LYZL2: variants seen among roughly 807,000 people sequenced by gnomAD.
LYZL2 encodes the protein lysozyme like 2, also known as lysozyme-like protein 2.
Under a neutral mutation model 17.1 loss-of-function variants are expected in LYZL2, and 13 were observed. That is an observed-to-expected ratio of 0.76 (90% CI 0.49 to 1.21). The LOEUF is 1.21. LYZL2 is among the 50% of genes most tolerant of loss of function. The pLI is 0.00. For synonymous variants in LYZL2, 63 were observed against 74.4 expected, an observed-to-expected ratio of 0.85 and a Z score of 0.79; for missense variants, 166 against 189.2, an observed-to-expected ratio of 0.88 and a Z score of 0.72.
intron 3 of LYZL2, among the ~76,000 whole-genome samples, chr10:30,623,236 TAAG>T (rs1373066989): frequency 6.6e-6 from 1 of 152,080 alleles, no homozygotes; most frequent in African/African-American, 2.4e-5. Flanking sequence ...GTAGAACAAG[TAAG>T]AAAATTAGAA....
intron 3 of LYZL2, among the ~76,000 whole-genome samples, chr10:30,624,576 A>C (rs112707512): frequency 6.6e-6 from 1 of 152,250 alleles, no homozygotes; most frequent in African/African-American, 2.4e-5. Context: ...CCCAGTTTGC[A>C]TTTGTTCTGT....
At chr10:30,614,582 C>A (rs2132936517) in intron 3 of LYZL2, among the ~76,000 whole-genome samples, 1 of 152,314 alleles carries the variant, frequency 6.6e-6, no homozygotes. Context: ...CCACAACCAC[C>A]AATCAAGGAC....
downstream of LYZL2, chr10:30,611,711 A>G (rs1838445904): frequency 2.3e-6 from 1 of 434,878 alleles, no homozygotes; most frequent in Non-Finnish European, 3.7e-6. Flanking sequence ...AAAAAGAAAG[A>G]AAGAAAGAAA....
Position 30,617,548 on chromosome 10 carries a change from G to A in LYZL2, c.299-4648C>T, listed in dbSNP as rs146888510. 2.7e-3 allele frequency among the ~76,000 whole-genome samples: 411 copies of A among 151,738 alleles called. 15 individuals are homozygous for A. In the East Asian group the frequency reaches 0.063, roughly 23 times the overall value. Reference sequence around the variant, plus strand: ...AAGTTAGCTGGCTGTGGTGGCACACGCCTGTAATCCCAGCTACTCCAGAGG... The same window carrying A: ...AAGTTAGCTGGCTGTGGTGGCACACACCTGTAATCCCAGCTACTCCAGAGG... On this transcript the variant is annotated intron_variant, in intron 3 of 4. Coordinates refer to ENST00000647634, the MANE Select transcript of LYZL2 (RefSeq NM_183058.3).
At chr10:30,624,034 C>T (rs10826830) in intron 3 of LYZL2, among the ~76,000 whole-genome samples, 15,404 of 152,200 alleles carry the variant, frequency 0.1, 1,102 homozygotes, top group Non-Finnish European at 0.14. Flanking sequence ...TCCCTTGTTT[C>T]CCGAACTATG....
chr10:30,621,188 T>C (rs1039988855), intron 3 of LYZL2, among the ~76,000 whole-genome samples: 1 of 151,780 alleles, frequency 6.6e-6, no homozygotes, highest in South Asian at 2.1e-4. Context: ...TAAAAACAAC[T>C]AGAGAAAAAA....
rs1254048394 is a variant in LYZL2 at position 30,613,251 on chromosome 10, C to T, written c.299-351G>A. The stretch of plus-strand genomic sequence containing the variant: ...TGGTGGCTGACCTGCAATCCCAGTA[C>T]TTTGGGAGGCCAAGGTAGGAGAATC... On this transcript the variant is annotated intron_variant, in intron 3 of 4. Transcript: ENST00000647634. Among the ~76,000 whole-genome samples the T allele has an allele frequency of 3.9e-5, 6 of 152,138 alleles. No individual in the cohort carries two copies. The East Asian group carries it at 7.7e-4, about 20-fold the overall frequency.
downstream of LYZL2, among the ~76,000 whole-genome samples, chr10:30,607,704 A>G (rs530958351): frequency 7.0e-6 from 1 of 143,218 alleles, no homozygotes; most frequent in South Asian, 2.2e-4. Context: ...CAAAGCTTCT[A>G]CTACACCCAG....
chr10:30,624,714 G>T (rs1000171916), intron 3 of LYZL2, among the ~76,000 whole-genome samples: 1 of 152,212 alleles, frequency 6.6e-6, no homozygotes, highest in African/African-American at 2.4e-5. Flanking sequence ...TGGAGACAGA[G>T]TCTGGCTGTA....
chr10:30,614,664 G>C (rs1424988865), intron 3 of LYZL2, among the ~76,000 whole-genome samples: 1 of 152,120 alleles, frequency 6.6e-6, no homozygotes, highest in Non-Finnish European at 1.5e-5. Flanking sequence ...AAGAGAATTG[G>C]GTAATGCTGG....
chr10:30,612,093 T>C (rs1213524457), intron 4 of LYZL2, 69 bp from the exon 5 acceptor site: 12 of 1,574,644 alleles, frequency 7.6e-6, no homozygotes, highest in Non-Finnish European at 1.0e-5. Flanking sequence ...AGTTTCAAAG[T>C]CTACAGAAAT....
downstream of LYZL2, among the ~76,000 whole-genome samples, chr10:30,607,805 G>A (rs190540112): frequency 2.0e-3 from 311 of 152,232 alleles, no homozygotes; most frequent in African/African-American, 7.1e-3. Flanking sequence ...ACATCATTGC[G>A]TGTAAAGAAC....
In LYZL2 at chr10:30,626,178, G is replaced by A. The variant is rs777745039; in HGVS notation, c.225C>T (p.Phe75=). ...TGCACCACGCGAAGCTGTTGATCTG[G>A]AAGATGCCGTAGTCGATGCTGCCGT... The part of the protein sequence containing the change: ...LDDGSIDYGI[F]QINSFAWCRR... Residue 75 remains phenylalanine (F), a synonymous_variant, in exon 3 of 5, where the codon TTC becomes TTT. Transcript: ENST00000647634. 3.1e-6 allele frequency: 5 copies of A among 1,614,034 alleles called. No individual in the cohort carries two copies. The East Asian group carries it at 1.1e-4, about 36-fold the overall frequency.
chr10:30,613,506 A>G (rs1447236073), intron 3 of LYZL2, among the ~76,000 whole-genome samples: 1 of 151,952 alleles, frequency 6.6e-6, no homozygotes. Context: ...TAAGAAAAAA[A>G]AAAAAAAGGC....
At chr10:30,620,619 C>A (rs923311294) in intron 3 of LYZL2, among the ~76,000 whole-genome samples, 35 of 151,996 alleles carry the variant, frequency 2.3e-4, no homozygotes, top group African/African-American at 6.0e-4. Context: ...TTATTCCATG[C>A]GCAGAGGCAG....
chr10:30,612,381 CT>C (rs1463039440), intron 4 of LYZL2, among the ~76,000 whole-genome samples: 6 of 152,232 alleles, frequency 3.9e-5, no homozygotes, highest in African/African-American at 1.4e-4. Flanking sequence ...GGGACGCTTT[CT>C]GCTGAGTCGC....
chr10:30,621,219 G>A (rs2132945300), intron 3 of LYZL2, among the ~76,000 whole-genome samples: 1 of 152,202 alleles, frequency 6.6e-6, no homozygotes, highest in South Asian at 2.1e-4. Context: ...ACATACCGGG[G>A]ACAAACAGAA....
downstream of LYZL2, among the ~76,000 whole-genome samples, chr10:30,608,139 T>G (rs1838396249): frequency 6.6e-6 from 1 of 152,184 alleles, no homozygotes; most frequent in African/African-American, 2.4e-5. Context: ...GATGGGATCT[T>G]GCCCTGTTGC....
intron 3 of LYZL2, among the ~76,000 whole-genome samples, chr10:30,617,838 G>A (rs1448603264): frequency 1.3e-5 from 2 of 151,960 alleles, no homozygotes; most frequent in Non-Finnish European, 2.9e-5. Flanking sequence ...AATCAGGCAG[G>A]AGAAGGAAAT....
Sources: allele counts gnomAD v4.1 joint callset (sites outside exome capture counted in the v4.1 genomes callset), GRCh38; gene constraint gnomAD v4.1.1; transcripts MANE v1.5; gene names NCBI Gene and HGNC (gene_info 2026-07-23, HGNC 2026-07-21).